Variants in GRIN2A observed in about 807,000 individuals in gnomAD.
GRIN2A encodes the protein glutamate receptor ionotropic, NMDA 2A.
A neutral mutation model predicts 113.4 loss-of-function variants in GRIN2A; 22 were observed. The ratio of observed to expected loss-of-function variants is 0.19; its 90% CI spans 0.14 to 0.28. The LOEUF (loss-of-function observed/expected upper bound fraction) is 0.28, where lower values mean the gene tolerates loss of function less well. GRIN2A is among the 10% of genes least tolerant of loss of function. The pLI is 1.00. For missense variants in GRIN2A, 1,502 were observed against 1,887.0 expected, an observed-to-expected ratio of 0.80 and a Z score of 3.78; for synonymous variants, 827 against 738.4, an observed-to-expected ratio of 1.12 and a Z score of -1.94.
At chr16:9,823,754 T>C (rs1013755120) in intron 9 of GRIN2A, among the ~76,000 whole-genome samples, 19 of 152,150 alleles carry the variant, frequency 1.2e-4, no homozygotes, top group African/African-American at 3.6e-4. Context: ...TATTTAAGAT[T>C]ATGCAACTAC....
chr16:10,111,427 G>A, intron 2 of GRIN2A: 1 of 554,558 alleles, frequency 1.8e-6, no homozygotes, highest in East Asian at 3.5e-5. Context: ...CGTGCCCCAG[G>A]ACTGGCTCAC....
At chr16:10,086,909 G>A (rs992613918) in intron 2 of GRIN2A, among the ~76,000 whole-genome samples, 3 of 152,210 alleles carry the variant, frequency 2.0e-5, no homozygotes, top group Non-Finnish European at 4.4e-5. Context: ...TGAGCCCAGA[G>A]GCTGGGGACT....
chr16:9,879,654 C>T (rs758866890), intron 4 of GRIN2A, among the ~76,000 whole-genome samples: 3 of 152,110 alleles, frequency 2.0e-5, no homozygotes, highest in African/African-American at 4.8e-5. Flanking sequence ...TCTAAGAGTG[C>T]AGACAATTGG....
At chr16:9,921,369 T>G (rs1294876969) in intron 3 of GRIN2A, among the ~76,000 whole-genome samples, 2 of 152,304 alleles carry the variant, frequency 1.3e-5, no homozygotes, top group African/African-American at 4.8e-5. Flanking sequence ...TCGGACCGCA[T>G]GAAAACACAA....
intron 2 of GRIN2A, among the ~76,000 whole-genome samples, chr16:10,040,249 C>A (rs2047136847): frequency 6.7e-6 from 1 of 150,344 alleles, no homozygotes; most frequent in African/African-American, 2.4e-5. Context: ...ACACCACACA[C>A]ACATCCACAC....
chr16:9,979,179 G>A (rs139818612), intron 2 of GRIN2A, among the ~76,000 whole-genome samples: 36 of 152,288 alleles, frequency 2.4e-4, no homozygotes, highest in African/African-American at 8.4e-4. Flanking sequence ...GGAGTCTGGT[G>A]AAGAAGATTC....
chr16:10,093,130 G>A (rs1292062936), intron 2 of GRIN2A, among the ~76,000 whole-genome samples: 9 of 152,118 alleles, frequency 5.9e-5, no homozygotes, highest in Admixed American at 3.9e-4. Flanking sequence ...TGAGCCCCAC[G>A]CCCGGCCAAC....
At chr16:10,142,359 C>A (rs1453786027) in intron 2 of GRIN2A, among the ~76,000 whole-genome samples, 1 of 152,212 alleles carries the variant, frequency 6.6e-6, no homozygotes, top group African/African-American at 2.4e-5. Context: ...GCTCCATACA[C>A]GTCAGAGCCC....
rs544545065 is a variant in GRIN2A, at chr16:10,077,665, C to G, written c.414+102333G>C. ...ACAAGGCCCTTTAGAGTTTGGCCTC[C>G]GGTTACCTTTCTGCCCTCATCTCCT... On this transcript the variant is annotated intron_variant, in intron 2 of 12. Coordinates refer to ENST00000330684, the MANE Select transcript of GRIN2A (RefSeq NM_001134407.3). 9.9e-5 allele frequency among the ~76,000 whole-genome samples: 15 copies of G among 152,280 alleles called. 1 individual carries two copies. In the South Asian group the frequency reaches 2.9e-3, roughly 29 times the overall value.
chr16:9,882,261 T>C (rs2043495785), intron 4 of GRIN2A, among the ~76,000 whole-genome samples: 1 of 152,156 alleles, frequency 6.6e-6, no homozygotes, highest in Non-Finnish European at 1.5e-5. Flanking sequence ...CATCATGTAA[T>C]AATTGCACCC....
At position 9,938,155 on chromosome 16, in the gene GRIN2A, C is replaced by G. The variant is rs1555455636; in HGVS notation, c.811G>C (p.Glu271Gln). 1 of 1,614,032 alleles carries G rather than the reference C, an allele frequency of 6.2e-7. No individual in the cohort carries two copies. The highest frequency in any genetic ancestry group is 8.5e-7 in the Non-Finnish European group (1 of 1,180,020). The change falls in exon 3 of 13, where the codon GAG becomes CAG. Residue 271 changes from glutamate (E) to glutamine (Q), a missense_variant. Glu to Gln is a conservative substitution (Grantham distance 29). This residue lies in a region of GRIN2A where 334 missense variants were observed against 403.0 expected (regional missense o/e 0.83). Coordinates refer to ENST00000330684, the MANE Select transcript of GRIN2A (RefSeq NM_001134407.3). The stretch of plus-strand genomic sequence containing the variant: ...ACAGAAATGAGTCCCGATGGAAACT[C>G]TTTTGGGATGAGCTCCGTGTTCCCA... The part of the protein sequence containing the change: ...VSGNTELIPK[E>Q]FPSGLISVSY...
rs1490083478 is a variant in GRIN2A at position 9,754,555 on chromosome 16, C to G, written c.*8594G>C. Reference sequence around the variant, plus strand: ...ACCTGGATTTGGCTCAAATTAGAGGCCTGAATCTTTTGTTTTTAAACTGAA... The same window carrying G: ...ACCTGGATTTGGCTCAAATTAGAGGGCTGAATCTTTTGTTTTTAAACTGAA... On this transcript the variant is annotated 3_prime_UTR_variant, in exon 13 of 13. Transcript: ENST00000330684. 1 of 211,406 alleles carries G rather than the reference C, an allele frequency of 4.7e-6. No individual in the cohort carries two copies. The highest frequency in any genetic ancestry group is 2.3e-5 in the African/African-American group (1 of 44,170). 13.1% of individuals were successfully genotyped at this position (211,406 alleles called of 1,614,324 possible).
chr16:10,037,904 T>C (rs890732900), intron 2 of GRIN2A, among the ~76,000 whole-genome samples: 5 of 152,128 alleles, frequency 3.3e-5, no homozygotes, highest in African/African-American at 1.2e-4. Flanking sequence ...CAGGCATGAA[T>C]CATTGTGCCT....
At chr16:10,054,001 A>G (rs1010528352) in intron 2 of GRIN2A, among the ~76,000 whole-genome samples, 4 of 152,216 alleles carry the variant, frequency 2.6e-5, no homozygotes, top group East Asian at 3.8e-4. Context: ...AAGGACCACA[A>G]ATACTTTTGC....
intron 5 of GRIN2A, among the ~76,000 whole-genome samples, chr16:9,841,336 C>T (rs1386422743): frequency 6.6e-6 from 1 of 152,170 alleles, no homozygotes; most frequent in Non-Finnish European, 1.5e-5. Flanking sequence ...ATTTGCTAAG[C>T]ACTATCCTAA....
At chr16:9,888,755 A>G (rs1470871186) in intron 4 of GRIN2A, among the ~76,000 whole-genome samples, 1 of 152,008 alleles carries the variant, frequency 6.6e-6, no homozygotes, top group Admixed American at 6.5e-5. Flanking sequence ...CGATATATAT[A>G]TTATAGGTTT....
chr16:9,913,175 T>C (rs2044179224), intron 3 of GRIN2A, among the ~76,000 whole-genome samples: 1 of 152,238 alleles, frequency 6.6e-6, no homozygotes, highest in Non-Finnish European at 1.5e-5. Flanking sequence ...TTCTCTACTG[T>C]AAGCAAAGGA....
chr16:9,900,667 T>A (rs139114995), intron 3 of GRIN2A, among the ~76,000 whole-genome samples: 152 of 152,318 alleles, frequency 1.0e-3, no homozygotes, highest in African/African-American at 3.4e-3. Context: ...TGAATGACCA[T>A]TAATAAAGTG....
chr16:9,893,291 C>G (rs576254344), intron 3 of GRIN2A, among the ~76,000 whole-genome samples: 1 of 152,122 alleles, frequency 6.6e-6, no homozygotes, highest in East Asian at 1.9e-4. Context: ...GGGTATTTTT[C>G]ATTTTTTTGT....
Sources: gnomAD v4.1 joint callset for allele counts (sites outside exome capture counted in the v4.1 genomes callset) on GRCh38, gnomAD v4.1.1 for gene constraint, gnomAD v4.1.1 regional missense constraint, MANE v1.5 for transcripts, NCBI Gene and HGNC (gene_info 2026-07-23, HGNC 2026-07-21) for gene names.